The following BCL2L2 variants were observed in gnomAD, a reference collection of about 807,000 sequenced individuals.
BCL2L2 encodes the protein bcl-2-like protein 2.
In BCL2L2, 6 loss-of-function variants were observed where a neutral mutation model predicts 14.6. That is an observed-to-expected ratio of 0.41 (90% confidence interval 0.22 to 0.81). The LOEUF (loss-of-function observed/expected upper bound fraction) is 0.81, where lower values mean the gene tolerates loss of function less well. Among genes scored for constraint, BCL2L2 ranks in the 30% least tolerant of loss-of-function variants. The pLI is 0.32. For synonymous variants in BCL2L2, 90 were observed against 108.5 expected (o/e 0.83, Z 1.06); for missense variants, 191 against 260.5 (o/e 0.73, Z 1.84).
Position 23,309,203 on chromosome 14 carries a change from T to G in BCL2L2, c.*238T>G. On this transcript the variant is annotated 3_prime_UTR_variant, in exon 4 of 4. Transcript: ENST00000250405. Reference sequence around the variant, plus strand: ...TTAGGGGCACAGGAGATGTAGTCGTTCCAGGGCTGGGGGAGGTGGGAGGGA... The same window carrying G: ...TTAGGGGCACAGGAGATGTAGTCGTGCCAGGGCTGGGGGAGGTGGGAGGGA... 2 of 914,294 alleles carry G rather than the reference T, an allele frequency of 2.2e-6. No individual in the cohort carries two copies. The highest frequency in any genetic ancestry group is 1.3e-6 in the Non-Finnish European group (1 of 763,220). The allele number at this position is 914,294 out of a possible 1,614,324, so 56.6% of individuals were successfully genotyped here. A position where few individuals can be genotyped will look rare whatever the true frequency, so the allele number is the denominator to read the frequency against.
Position 23,309,502 on chromosome 14 carries a change from A to G in BCL2L2, c.*537A>G. The G allele has an allele frequency of 1.0e-6, 1 of 986,016 alleles. No individual in the cohort carries two copies. Among genetic ancestry groups the G allele is most frequent in the Non-Finnish European group, 1.2e-6 (1 of 830,328 alleles). 61.1% of individuals were successfully genotyped at this position (986,016 alleles called of 1,614,324 possible). ...AATCTGGTGGTGATGGGATTCCTCAAGGAGAAAACATTCCCTCTTGCAATG... is the reference window on the plus strand; with the variant it reads ...AATCTGGTGGTGATGGGATTCCTCAGGGAGAAAACATTCCCTCTTGCAATG... On this transcript the variant is annotated 3_prime_UTR_variant, in exon 4 of 4. Coordinates refer to ENST00000250405, the MANE Select transcript of BCL2L2 (RefSeq NM_004050.5).
chr14:23,309,643 C>T lies in BCL2L2; in HGVS notation c.*678C>T, dbSNP rs766365468. On this transcript the variant is annotated 3_prime_UTR_variant, in exon 4 of 4. Coordinates refer to ENST00000250405, the MANE Select transcript of BCL2L2 (RefSeq NM_004050.5). ...TGTATCCAGACCGAGGGCTCTGCTG[C>T]TTCTTTCCAGAAAGTGATTGGCAAG... 11 of 985,628 alleles carry T rather than the reference C, an allele frequency of 1.1e-5. No homozygotes were observed. Among genetic ancestry groups the T allele is most frequent in the Non-Finnish European group, 1.3e-5 (11 of 830,054 alleles). The allele number at this position is 985,628 out of a possible 1,614,324, so 61.1% of individuals were successfully genotyped here.
Position 23,311,263 on chromosome 14 carries a change from A to G in BCL2L2, c.*2298A>G. On this transcript the variant is annotated 3_prime_UTR_variant, in exon 4 of 4. Coordinates refer to ENST00000250405, the MANE Select transcript of BCL2L2 (RefSeq NM_004050.5). ...CCCAGAGACTCTTCTGTCAGGGAAA[A>G]CTAGGGACTCTCTTCTAGAGCCATA... 8.3e-7 allele frequency: 1 copy of G among 1,203,550 alleles called. No homozygotes were observed. Among genetic ancestry groups the G allele is most frequent in the Non-Finnish European group, 1.0e-6 (1 of 953,848 alleles). 74.6% of individuals were successfully genotyped at this position (1,203,550 alleles called of 1,614,324 possible).
chr14:23,308,092 G>C lies in BCL2L2; in HGVS notation c.325G>C (p.Glu109Gln). 6.2e-7 allele frequency: 1 copy of C among 1,613,968 alleles called. No individual in the cohort carries two copies. Among genetic ancestry groups the C allele is most frequent in the Non-Finnish European group, 8.5e-7 (1 of 1,180,040 alleles). ...TGTCTTTGGGGCTGCACTGTGTGCT[G>C]AGAGTGTCAACAAGGAGATGGAACC... ...FFVFGAALCA[E>Q]SVNKEMEPLV... The change falls in exon 3 of 4, where the codon GAG (glutamate) becomes CAG (glutamine). Residue 109 changes from glutamate (E) to glutamine (Q), a missense_variant. Coordinates refer to ENST00000250405, the MANE Select transcript of BCL2L2 (RefSeq NM_004050.5). The surrounding 1 kb of genome is among the most constrained non-coding windows in gnomAD (Gnocchi z 5.4).
At position 23,308,068 on chromosome 14, in the gene BCL2L2, G is replaced by A. The variant is rs1340628627; in HGVS notation, c.301G>A (p.Val101Ile). 3.1e-6 allele frequency: 5 copies of A among 1,614,000 alleles called. No homozygotes were observed. The South Asian group carries it at 3.3e-5, about 11-fold the overall frequency. ...CTGGGGCCGCCTTGTAGCCTTCTTT[G>A]TCTTTGGGGCTGCACTGTGTGCTGA... is the stretch of plus-strand genomic sequence containing the variant. ...PNWGRLVAFFVFGAALCAESV... is the reference protein window; with the variant it reads ...PNWGRLVAFFIFGAALCAESV... Residue 101 changes from valine (V) to isoleucine (I), a missense_variant, in exon 3 of 4, where the codon GTC (valine) becomes ATC (isoleucine). Val to Ile is a conservative substitution (Grantham distance 29). Transcript: ENST00000250405. The surrounding 1 kb of genome is among the most constrained non-coding windows in gnomAD (Gnocchi z 5.4).
chr14:23,310,458 AT>A lies in BCL2L2; in HGVS notation c.*1497del. On this transcript the variant is annotated 3_prime_UTR_variant, in exon 4 of 4. Transcript: ENST00000250405. The stretch of plus-strand genomic sequence containing the variant: ...AGACCATGGTTGACTCTTCTTGGAG[AT>A]TTTCACTTGGTCCTAGAATGTGGCA... 9 of 1,008,062 alleles carry A rather than the reference AT, an allele frequency of 8.9e-6. No individual in the cohort carries two copies. Among genetic ancestry groups the A allele is most frequent in the Non-Finnish European group, 1.1e-5 (9 of 844,196 alleles). The allele number at this position is 1,008,062 out of a possible 1,614,324, so 62.4% of individuals were successfully genotyped here. A position where few individuals can be genotyped will look rare whatever the true frequency, so the allele number is the denominator to read the frequency against.
Position 23,311,496 on chromosome 14 carries a change from C to G in BCL2L2, c.*2531C>G. ...CAAGGAAGGAGCGGAAGTAGGGCAA[C>G]TCGGTCCTGCGATTATTAATCCCAC... On this transcript the variant is annotated 3_prime_UTR_variant, in exon 4 of 4. Transcript: ENST00000250405. 1 of 1,005,520 alleles carries G rather than the reference C, an allele frequency of 9.9e-7. No individual in the cohort carries two copies. Among genetic ancestry groups the G allele is most frequent in the Non-Finnish European group, 1.2e-6 (1 of 843,444 alleles). The allele number at this position is 1,005,520 out of a possible 1,614,324, so 62.3% of individuals were successfully genotyped here.
chr14:23,309,064 G>A lies in BCL2L2; in HGVS notation c.*99G>A. 3 of 1,284,798 alleles carry A rather than the reference G, an allele frequency of 2.3e-6. No individual in the cohort carries two copies. Among genetic ancestry groups the A allele is most frequent in the Non-Finnish European group, 3.0e-6 (3 of 1,008,652 alleles). The allele number at this position is 1,284,798 out of a possible 1,614,324, so 79.6% of individuals were successfully genotyped here. A position where few individuals can be genotyped will look rare whatever the true frequency, so the allele number is the denominator to read the frequency against. On this transcript the variant is annotated 3_prime_UTR_variant, in exon 4 of 4. Coordinates refer to ENST00000250405, the MANE Select transcript of BCL2L2 (RefSeq NM_004050.5). Reference sequence around the variant, plus strand: ...GAAGAAGTGGAGTTGGTGGATGGGTGGGCATGGAACAGGATGGGCAGAGAA... The same window carrying A: ...GAAGAAGTGGAGTTGGTGGATGGGTAGGCATGGAACAGGATGGGCAGAGAA...
rs1416123625 is a variant in BCL2L2, at chr14:23,308,275, T to C, written c.432+76T>C. ...TCCAGGGGGAAGATGGGGGCTCTGATTGGAGGCTGAGGCAGCTATGTTGGG... is the reference window on the plus strand; with the variant it reads ...TCCAGGGGGAAGATGGGGGCTCTGACTGGAGGCTGAGGCAGCTATGTTGGG... On this transcript the variant is annotated intron_variant, in intron 3 of 3. Transcript: ENST00000250405. The surrounding 1 kb of genome is among the most constrained non-coding windows in gnomAD (Gnocchi z 5.4). 4 of 1,478,934 alleles carry C rather than the reference T, an allele frequency of 2.7e-6. No individual in the cohort carries two copies. Among genetic ancestry groups the C allele is most frequent in the East Asian group, 2.4e-5 (1 of 41,274 alleles). The allele number at this position is 1,478,934 out of a possible 1,614,324, so 91.6% of individuals were successfully genotyped here. A position where few individuals can be genotyped will look rare whatever the true frequency, so the allele number is the denominator to read the frequency against.
In BCL2L2 at chr14:23,311,325, A is replaced by T. The variant is rs1887601908; in HGVS notation, c.*2360A>T. On this transcript the variant is annotated 3_prime_UTR_variant, in exon 4 of 4. Coordinates refer to ENST00000250405, the MANE Select transcript of BCL2L2 (RefSeq NM_004050.5). The stretch of plus-strand genomic sequence containing the variant: ...GATTAGCTCTTGGCCAAGAAGGCTG[A>T]GTATGGTTCCCAATTTTTAAATCCA... The T allele has an allele frequency of 9.2e-7, 1 of 1,089,792 alleles. No homozygotes were observed. The highest frequency in any genetic ancestry group is 1.7e-5 in the African/African-American group (1 of 57,892). 67.5% of individuals were successfully genotyped at this position (1,089,792 alleles called of 1,614,324 possible). A position where few individuals can be genotyped will look rare whatever the true frequency, so the allele number is the denominator to read the frequency against.
At position 23,309,362 on chromosome 14, in the gene BCL2L2, G is replaced by T; in HGVS notation, c.*397G>T. 1 of 1,010,208 alleles carries T rather than the reference G, an allele frequency of 9.9e-7. No individual in the cohort carries two copies. Among genetic ancestry groups the T allele is most frequent in the Non-Finnish European group, 1.2e-6 (1 of 846,582 alleles). 62.6% of individuals were successfully genotyped at this position (1,010,208 alleles called of 1,614,324 possible). A position where few individuals can be genotyped will look rare whatever the true frequency, so the allele number is the denominator to read the frequency against. On this transcript the variant is annotated 3_prime_UTR_variant, in exon 4 of 4. Coordinates refer to ENST00000250405, the MANE Select transcript of BCL2L2 (RefSeq NM_004050.5). ...GGAACGCAGAAGGCACATCCCTTTG[G>T]AATGGAAGCTTAGGGGTTCTCAGGT...
At position 23,309,309 on chromosome 14, in the gene BCL2L2, T is replaced by G; in HGVS notation, c.*344T>G. 9.2e-7 allele frequency: 1 copy of G among 1,084,372 alleles called. No homozygotes were observed. The highest frequency in any genetic ancestry group is 1.1e-6 in the Non-Finnish European group (1 of 893,922). The allele number at this position is 1,084,372 out of a possible 1,614,324, so 67.2% of individuals were successfully genotyped here. A position where few individuals can be genotyped will look rare whatever the true frequency, so the allele number is the denominator to read the frequency against. On this transcript the variant is annotated 3_prime_UTR_variant, in exon 4 of 4. Coordinates refer to ENST00000250405, the MANE Select transcript of BCL2L2 (RefSeq NM_004050.5). ...AGGAAGGTGGACTTACATAAGCAGCTGTATTCCATTAGATGAGTGGGATTT... is the reference window on the plus strand; with the variant it reads ...AGGAAGGTGGACTTACATAAGCAGCGGTATTCCATTAGATGAGTGGGATTT...
rs1191339636 is a variant in BCL2L2, at chr14:23,306,867, G to A, written c.-124G>A. The A allele has an allele frequency of 6.6e-6, 1 of 151,718 alleles. No individual in the cohort carries two copies. The highest frequency in any genetic ancestry group is 1.5e-5 in the Non-Finnish European group (1 of 68,070). 9.4% of individuals were successfully genotyped at this position (151,718 alleles called of 1,614,324 possible). On this transcript the variant is annotated 5_prime_UTR_variant, in exon 1 of 4. Transcript: ENST00000250405. Reference sequence around the variant, plus strand: ...CCTCCCAGCTCCTGCACCAGGAAACGGCCCGGATCCCGGCAGCGGCCTGAC... The same window carrying A: ...CCTCCCAGCTCCTGCACCAGGAAACAGCCCGGATCCCGGCAGCGGCCTGAC...
Position 23,310,859 on chromosome 14 carries a change from T to C in BCL2L2, c.*1894T>C. The C allele has an allele frequency of 2.4e-6, 3 of 1,262,670 alleles. No individual in the cohort carries two copies. Among genetic ancestry groups the C allele is most frequent in the Non-Finnish European group, 3.1e-6 (3 of 968,318 alleles). 78.2% of individuals were successfully genotyped at this position (1,262,670 alleles called of 1,614,324 possible). On this transcript the variant is annotated 3_prime_UTR_variant, in exon 4 of 4. Coordinates refer to ENST00000250405, the MANE Select transcript of BCL2L2 (RefSeq NM_004050.5). ...GCTCCCCTTGTAGCTGTCTTACATA[T>C]TGGGGTTCAGGGTAAGATTTTATTT...
Position 23,307,938 on chromosome 14 carries a change from C to G in BCL2L2, c.171C>G (p.Phe57Leu). Reference sequence around the variant, plus strand: ...CTGGAGATGAGTTCGAGACCCGCTTCCGGCGCACCTTCTCTGATCTGGCGG... The same window carrying G: ...CTGGAGATGAGTTCGAGACCCGCTTGCGGCGCACCTTCTCTGATCTGGCGG... Reference protein sequence around the residue: ...RAAGDEFETRFRRTFSDLAAQ... With the variant: ...RAAGDEFETRLRRTFSDLAAQ... The change falls in exon 3 of 4, where the codon TTC becomes TTG. Residue 57 changes from phenylalanine to leucine, a missense_variant. Transcript: ENST00000250405. The G allele has an allele frequency of 6.2e-7, 1 of 1,613,928 alleles. No homozygotes were observed. Among genetic ancestry groups the G allele is most frequent in the Non-Finnish European group, 8.5e-7 (1 of 1,179,908 alleles).
chr14:23,307,624 C>G, intron 2 of BCL2L2, 136 bp from the exon 3 acceptor site: 1 of 1,191,576 alleles, frequency 8.4e-7, no homozygotes, highest in Non-Finnish European at 1.1e-6. Context: ...TTCCCTTGTT[C>G]TTGCCTCTCC....
At position 23,308,870 on chromosome 14, in the gene BCL2L2, C is replaced by A. The variant is rs747724646; in HGVS notation, c.487C>A (p.Arg163=). Residue 163 remains arginine, a synonymous_variant, in exon 4 of 4, where the codon CGG becomes AGG. Transcript: ENST00000250405. This position sits in a 1 kb window ranked among gnomAD's most constrained non-coding sequence, Gnocchi z 5.4. Reference sequence around the variant, plus strand: ...GGCCCTGGAGGAGGCGCGGCGTCTGCGGGAGGGGAACTGGGCATCAGTGAG... The same window carrying A: ...GGCCCTGGAGGAGGCGCGGCGTCTGAGGGAGGGGAACTGGGCATCAGTGAG... ...DGALEEARRL[R]EGNWASVRTV... The A allele has an allele frequency of 2.0e-5, 26 of 1,319,500 alleles. No individual in the cohort carries two copies. Among genetic ancestry groups the A allele is most frequent in the Non-Finnish European group, 2.3e-5 (24 of 1,026,070 alleles). 81.7% of individuals were successfully genotyped at this position (1,319,500 alleles called of 1,614,324 possible).
At position 23,307,272 on chromosome 14, in the gene BCL2L2, C is replaced by A. The variant is rs902854203; in HGVS notation, c.-16C>A. ...GTGCTGTGTCTTAAGAGCTGCCATC[C>A]CGGCTGGGTGAGTGTCTCCTTCCTT... On this transcript the variant is annotated 5_prime_UTR_variant, in exon 2 of 4. Transcript: ENST00000250405. The A allele has an allele frequency of 6.5e-6, 1 of 152,742 alleles. No individual in the cohort carries two copies. Among genetic ancestry groups the A allele is most frequent in the Non-Finnish European group, 1.5e-5 (1 of 68,440 alleles). The allele number at this position is 152,742 out of a possible 1,614,324, so 9.5% of individuals were successfully genotyped here.
chr14:23,307,762 G>A lies in BCL2L2; in HGVS notation c.-6G>A, dbSNP rs375706345. On this transcript the variant is annotated splice_region_variant and 5_prime_UTR_variant, in exon 3 of 4. Coordinates refer to ENST00000250405, the MANE Select transcript of BCL2L2 (RefSeq NM_004050.5). Reference sequence around the variant, plus strand: ...TCTTTCATCCTTGCCTCTTATAGCCGCCCGGATGGCGACCCCAGCCTCGGC... The same window carrying A: ...TCTTTCATCCTTGCCTCTTATAGCCACCCGGATGGCGACCCCAGCCTCGGC... 5.2e-5 allele frequency: 79 copies of A among 1,519,306 alleles called. No homozygotes were observed. The highest frequency in any genetic ancestry group is 6.8e-5 in the Admixed American group (3 of 44,188). 94.1% of individuals were successfully genotyped at this position (1,519,306 alleles called of 1,614,324 possible).
Sources: allele counts gnomAD v4.1 joint callset, GRCh38; gene constraint gnomAD v4.1.1; non-coding constraint Gnocchi (gnomAD v3.1); transcripts MANE v1.5; gene names NCBI Gene and HGNC (gene_info 2026-07-23, HGNC 2026-07-21).